The following ROBO1 variants were observed in gnomAD, a reference collection of about 807,000 sequenced individuals.
ROBO1 encodes roundabout guidance receptor 1.
In ROBO1, 149 loss-of-function variants were observed where a neutral mutation model predicts 195.9. That is an observed-to-expected ratio of 0.76 (90% CI 0.67 to 0.87). The LOEUF (loss-of-function observed/expected upper bound fraction) is 0.87, where lower values mean the gene tolerates loss of function less well. Among genes scored for constraint, ROBO1 ranks in the 40% least tolerant of loss-of-function variants. The pLI, the probability that ROBO1 is intolerant of heterozygous loss-of-function variation, is 0.00. For missense variants in ROBO1, 1,933 were observed against 2,068.3 expected (o/e 0.93, Z 1.27); for synonymous variants, 816 against 733.2 (o/e 1.11, Z -1.82).
intron 4 of ROBO1, among the ~76,000 whole-genome samples, chr3:78,799,641 C>T (rs1181336690): frequency 1.3e-5 from 2 of 151,806 alleles, no homozygotes; most frequent in African/African-American, 2.4e-5. Flanking sequence ...GCGCCCGGCC[C>T]TACTCTACCA....
chr3:79,699,626 AGCT>A (rs1435043672), intron 1 of ROBO1, among the ~76,000 whole-genome samples: 15 of 151,558 alleles, frequency 9.9e-5, no homozygotes, highest in African/African-American at 2.2e-4. Context: ...CTTGGATAGG[AGCT>A]GCTATTTATT....
intron 2 of ROBO1, among the ~76,000 whole-genome samples, chr3:79,348,256 C>T (rs1203546104): frequency 6.7e-6 from 1 of 149,108 alleles, no homozygotes; most frequent in African/African-American, 2.5e-5. Context: ...GTGGAAGAGA[C>T]ACACATGTAC....
chr3:79,659,572 C>T (rs561022783), intron 1 of ROBO1, among the ~76,000 whole-genome samples: 44 of 151,330 alleles, frequency 2.9e-4, no homozygotes, highest in African/African-American at 1.0e-3. Flanking sequence ...AGAGCATTAC[C>T]GAACAGTTAC....
chr3:79,073,732 G>A (rs76616091), intron 3 of ROBO1, among the ~76,000 whole-genome samples: 147 of 151,712 alleles, frequency 9.7e-4, no homozygotes, highest in African/African-American at 3.3e-3. Flanking sequence ...GCTTTATGCC[G>A]TCTAACCTTG....
intron 4 of ROBO1, among the ~76,000 whole-genome samples, chr3:78,760,208 A>G (rs1282945595): frequency 1.3e-5 from 2 of 152,162 alleles, no homozygotes; most frequent in Admixed American, 6.5e-5. Flanking sequence ...TGGAACTGTG[A>G]GTCCATTAAA....
At chr3:78,710,059 T>A (rs1668045169) in intron 8 of ROBO1, among the ~76,000 whole-genome samples, 1 of 152,156 alleles carries the variant, frequency 6.6e-6, no homozygotes, top group Admixed American at 6.5e-5. Flanking sequence ...TAATAGCCCG[T>A]AAGGATTTTT....
chr3:78,652,444 T>C (rs1194494695), intron 18 of ROBO1, among the ~76,000 whole-genome samples: 7 of 152,106 alleles, frequency 4.6e-5, no homozygotes, highest in African/African-American at 9.7e-5. Flanking sequence ...AAGCTAGATA[T>C]GGAAAAGTCT....
chr3:79,382,192 C>A (rs939634796), intron 2 of ROBO1, among the ~76,000 whole-genome samples: 2 of 152,080 alleles, frequency 1.3e-5, no homozygotes, highest in Admixed American at 1.3e-4. Flanking sequence ...TTTTCCTGAA[C>A]ACTGGAAAGT....
At chr3:79,452,384 T>C (rs188609692) in intron 2 of ROBO1, among the ~76,000 whole-genome samples, 13 of 152,236 alleles carry the variant, frequency 8.5e-5, no homozygotes, top group Admixed American at 7.9e-4. Flanking sequence ...AGAGAGGCCT[T>C]CTCTTATCTC....
chr3:79,745,353 G>A (rs1703829539), intron 1 of ROBO1, among the ~76,000 whole-genome samples: 2 of 152,144 alleles, frequency 1.3e-5, no homozygotes. Flanking sequence ...ACCAAAAACA[G>A]TGAAAAATAG....
At chr3:79,609,626 A>G (rs775412921) in intron 1 of ROBO1, among the ~76,000 whole-genome samples, 1 of 151,980 alleles carries the variant, frequency 6.6e-6, no homozygotes, top group Non-Finnish European at 1.5e-5. Flanking sequence ...AGGTGAACAA[A>G]TAAACAAAAT....
intron 2 of ROBO1, among the ~76,000 whole-genome samples, chr3:79,487,183 A>AGTTAAAAAGCTTGTTTTTTAACAAAACAT (rs1939205988): frequency 6.7e-6 from 1 of 149,974 alleles, no homozygotes; most frequent in African/African-American, 2.5e-5. Context: ...ATGTATAAGA[A>AGTTAAAAAGCTTGTTTTTTAACAAAACAT]GTTAAAAAAC....
chr3:79,328,891 C>G (rs539928738), intron 2 of ROBO1, among the ~76,000 whole-genome samples: 1 of 151,804 alleles, frequency 6.6e-6, no homozygotes, highest in African/African-American at 2.4e-5. Context: ...TGAGAACATA[C>G]GATATTAGGT....
chr3:78,945,242 C>T (rs886732254), intron 3 of ROBO1, among the ~76,000 whole-genome samples: 1 of 152,138 alleles, frequency 6.6e-6, no homozygotes, highest in Non-Finnish European at 1.5e-5. Context: ...CCCTGACCCC[C>T]GAGTAGCCTA....
At chr3:79,094,728 A>T (rs945736882) in intron 3 of ROBO1, among the ~76,000 whole-genome samples, 2 of 152,066 alleles carry the variant, frequency 1.3e-5, no homozygotes, top group Non-Finnish European at 1.5e-5. Flanking sequence ...AAACTATGAA[A>T]ACTCTGACTT....
At chr3:78,890,750 ATTTG>A (rs1160924512) in intron 4 of ROBO1, among the ~76,000 whole-genome samples, 2 of 151,886 alleles carry the variant, frequency 1.3e-5, no homozygotes, top group East Asian at 1.9e-4. Flanking sequence ...TCGTGTTTTT[ATTTG>A]TTTATTGACT....
intron 2 of ROBO1, among the ~76,000 whole-genome samples, chr3:79,438,774 C>T (rs2038965302): frequency 6.6e-6 from 1 of 152,128 alleles, no homozygotes; most frequent in African/African-American, 2.4e-5. Context: ...TGGCCATAAA[C>T]ATTTTAAACC....
intron 3 of ROBO1, among the ~76,000 whole-genome samples, chr3:79,052,454 C>G (rs2108369829): frequency 6.6e-6 from 1 of 152,204 alleles, no homozygotes. Context: ...GCCATGTGAT[C>G]TCACTCTGCC....
chr3:79,043,867 T>TA (rs1293551584), intron 3 of ROBO1, among the ~76,000 whole-genome samples: 5 of 152,286 alleles, frequency 3.3e-5, no homozygotes, highest in African/African-American at 1.2e-4. Flanking sequence ...ATGATTCCTT[T>TA]AAAATGCCTT....
Sources: allele counts gnomAD v4.1 joint callset (sites outside exome capture counted in the v4.1 genomes callset), GRCh38; gene constraint gnomAD v4.1.1; transcripts MANE v1.5; gene names NCBI Gene and HGNC (gene_info 2026-07-23, HGNC 2026-07-21).